BCAS3: variants seen among roughly 807,000 people sequenced by gnomAD.
The protein encoded by BCAS3 is BCAS3 microtubule associated cell migration factor, also known as BCAS4/BCAS3 fusion.
A neutral mutation model predicts 116.1 loss-of-function variants in BCAS3; 53 were observed. The observed-to-expected ratio is 0.46, with a 90% CI of 0.37 to 0.57. BCAS3 has a LOEUF of 0.57. Ranked by LOEUF, BCAS3 falls within the 20% of genes least tolerant of loss-of-function variation. The pLI is 0.00. For missense variants in BCAS3, 917 were observed against 1,165.4 expected (o/e 0.79, Z 3.10); for synonymous variants, 391 against 408.2 (o/e 0.96, Z 0.51).
intron 5 of BCAS3, among the ~76,000 whole-genome samples, chr17:60,726,191 G>A (rs1384471628): frequency 2.0e-4 from 28 of 136,766 alleles, no homozygotes; most frequent in South Asian, 7.2e-4. Context: ...CACTGCTCCC[G>A]GCCAGAGGGA....
intron 7 of BCAS3, among the ~76,000 whole-genome samples, chr17:60,817,675 C>A (rs2049552522): frequency 6.6e-6 from 1 of 151,764 alleles, no homozygotes; most frequent in South Asian, 2.1e-4. Context: ...GTGAAAATTT[C>A]TTCATCTCAG....
chr17:60,913,525 A>G (rs1048825938), intron 12 of BCAS3, among the ~76,000 whole-genome samples: 6 of 152,244 alleles, frequency 3.9e-5, no homozygotes, highest in African/African-American at 1.4e-4. Flanking sequence ...GTTGGAGTAC[A>G]GGCTGTTTTT....
intron 22 of BCAS3, among the ~76,000 whole-genome samples, chr17:61,271,285 G>A (rs1282572761): frequency 1.3e-5 from 2 of 148,286 alleles, no homozygotes; most frequent in Non-Finnish European, 3.0e-5. Flanking sequence ...ATGCCACCAC[G>A]CCCGACTAGT....
At chr17:61,193,663 A>G (rs1234808198) in intron 22 of BCAS3, among the ~76,000 whole-genome samples, 2 of 147,092 alleles carry the variant, frequency 1.4e-5, no homozygotes, top group Admixed American at 1.4e-4. Context: ...AGGCTGAGGC[A>G]GGAGAATGGC....
intron 14 of BCAS3, among the ~76,000 whole-genome samples, chr17:60,963,431 A>G (rs2061502875): frequency 6.6e-6 from 1 of 151,392 alleles, no homozygotes; most frequent in Admixed American, 6.6e-5. Flanking sequence ...CTTTTTATAG[A>G]TCTTTCACTT....
chr17:60,796,251 A>G (rs2047203482), intron 6 of BCAS3, among the ~76,000 whole-genome samples: 2 of 152,318 alleles, frequency 1.3e-5, no homozygotes, highest in South Asian at 4.1e-4. Context: ...CATAGAATGA[A>G]TTAGGGAGGG....
intron 19 of BCAS3, among the ~76,000 whole-genome samples, chr17:61,067,271 G>GTGTA (rs1291639809): frequency 3.6e-5 from 2 of 55,110 alleles, no homozygotes; most frequent in African/African-American, 7.5e-5. Context: ...ATGTGTGTAT[G>GTGTA]TGTATATATA....
At chr17:61,070,142 A>G in intron 19 of BCAS3, 1 of 1,572,510 alleles carries the variant, frequency 6.4e-7, no homozygotes, top group East Asian at 2.2e-5. Context: ...AAGAAGACAG[A>G]AGACAACAAC....
rs534183198 is a variant in BCAS3 at position 61,106,003 on chromosome 17, G to C, written c.2425+21439G>C. ...TCCCTTTGTCTGGCATCTCCAGGCT[G>C]TCTATGCTACCTATCCTTTGGTCAC... On this transcript the variant is annotated intron_variant, in intron 22 of 23. Transcript: ENST00000407086. This position sits in a 1 kb window ranked among gnomAD's most constrained non-coding sequence, Gnocchi z 4.2. 7.2e-5 allele frequency among the ~76,000 whole-genome samples: 11 copies of C among 152,288 alleles called. No homozygotes were observed. The highest frequency in any genetic ancestry group is 2.0e-4 in the Admixed American group (3 of 15,296).
chr17:61,137,949 C>T (rs538755801), intron 22 of BCAS3, among the ~76,000 whole-genome samples: 16 of 152,142 alleles, frequency 1.1e-4, no homozygotes, highest in Non-Finnish European at 2.1e-4. Flanking sequence ...TATGGTAGGA[C>T]ATGCACAATC....
chr17:60,814,332 T>G (rs1464780884), intron 7 of BCAS3, among the ~76,000 whole-genome samples: 2 of 144,866 alleles, frequency 1.4e-5, no homozygotes, highest in Non-Finnish European at 3.0e-5. Context: ...GCAAATGGGA[T>G]TGCATTCTTG....
chr17:61,298,895 T>C (rs1030562285), intron 22 of BCAS3, among the ~76,000 whole-genome samples: 5 of 151,888 alleles, frequency 3.3e-5, no homozygotes, highest in African/African-American at 1.2e-4. Context: ...CAATCTTGGC[T>C]CACTGCAATC....
intron 14 of BCAS3, among the ~76,000 whole-genome samples, chr17:60,975,222 C>T (rs919736966): frequency 6.6e-6 from 1 of 151,582 alleles, no homozygotes; most frequent in East Asian, 1.9e-4. Context: ...AGGATGGTCT[C>T]GATCTCCTGA....
intron 5 of BCAS3, among the ~76,000 whole-genome samples, chr17:60,733,190 C>T (rs911125912): frequency 2.6e-5 from 4 of 152,108 alleles, no homozygotes; most frequent in South Asian, 2.1e-4. Context: ...TATTTTAAAA[C>T]GAAACTCAGA....
Position 61,346,362 on chromosome 17 carries a change from A to G in BCAS3, c.2426-21965A>G, listed in dbSNP as rs1388374867. Among the ~76,000 whole-genome samples, 1 of 152,214 alleles carries G rather than the reference A, an allele frequency of 6.6e-6. No individual in the cohort carries two copies. On this transcript the variant is annotated intron_variant, in intron 22 of 23. Coordinates refer to ENST00000407086, the MANE Select transcript of BCAS3 (RefSeq NM_017679.5). This position sits in a 1 kb window ranked among gnomAD's most constrained non-coding sequence, Gnocchi z 5.4. Reference sequence around the variant, plus strand: ...AAACTTTTTTAAATGCCTGAAAGGAATGTTATATGAGATGTCTAAAGTTCT... The same window carrying G: ...AAACTTTTTTAAATGCCTGAAAGGAGTGTTATATGAGATGTCTAAAGTTCT...
At chr17:60,716,672 A>G (rs1292298941) in intron 5 of BCAS3, among the ~76,000 whole-genome samples, 1 of 151,754 alleles carries the variant, frequency 6.6e-6, no homozygotes, top group Admixed American at 6.6e-5. Context: ...TGACCTGTGC[A>G]CCACTGCACG....
intron 22 of BCAS3, among the ~76,000 whole-genome samples, chr17:61,138,762 G>A (rs2076777569): frequency 6.6e-6 from 1 of 152,140 alleles, no homozygotes; most frequent in African/African-American, 2.4e-5. Flanking sequence ...CCAAATGACA[G>A]CTGAATTTAG....
Position 60,919,674 on chromosome 17 carries a change from G to GT in BCAS3, c.994-4722dup, listed in dbSNP as rs1356723126. Reference sequence around the variant, plus strand: ...CATAGGGGAAGGCTTTTTCCTGTGTGTTTTTTTTTTTAAAATAATGACAAG... The same window carrying GT: ...CATAGGGGAAGGCTTTTTCCTGTGTGTTTTTTTTTTTTAAAATAATGACAAG... On this transcript the variant is annotated intron_variant, in intron 12 of 23. Coordinates refer to ENST00000407086, the MANE Select transcript of BCAS3 (RefSeq NM_017679.5). Among the ~76,000 whole-genome samples the GT allele has an allele frequency of 2.2e-3, 322 of 146,290 alleles. 2 individuals carry two copies. Among genetic ancestry groups the GT allele is most frequent in the Non-Finnish European group, 3.3e-3 (219 of 66,450 alleles).
intron 6 of BCAS3, among the ~76,000 whole-genome samples, chr17:60,791,807 A>G (rs1296447910): frequency 6.6e-6 from 1 of 152,118 alleles, no homozygotes; most frequent in African/African-American, 2.4e-5. Flanking sequence ...GTATTTATGT[A>G]TCCATGGATA....
Sources: gnomAD v4.1 joint callset for allele counts (sites outside exome capture counted in the v4.1 genomes callset) on GRCh38, gnomAD v4.1.1 for gene constraint, Gnocchi (gnomAD v3.1) non-coding constraint, MANE v1.5 for transcripts, NCBI Gene and HGNC (gene_info 2026-07-23, HGNC 2026-07-21) for gene names.